Variants in TNKS2 observed in about 807,000 individuals in gnomAD.
TNKS2 encodes the protein tankyrase 2, also known as poly [ADP-ribose] polymerase tankyrase-2.
In TNKS2, 72 loss-of-function variants were observed where a neutral mutation model predicts 137.6. The ratio of observed to expected loss-of-function variants is 0.52; its 90% confidence interval spans 0.43 to 0.64. TNKS2 has a LOEUF of 0.64. TNKS2 is among the 30% of genes least tolerant of loss of function. The pLI, the probability that TNKS2 is intolerant of heterozygous loss-of-function variation, is 0.00. For synonymous variants in TNKS2, 516 were observed against 512.1 expected, an observed-to-expected ratio of 1.01 and a Z score of -0.10; for missense variants, 1,049 against 1,410.2, an observed-to-expected ratio of 0.74 and a Z score of 4.10.
At chr10:91,855,505 T>A (rs1008733826) in intron 22 of TNKS2, 109 bp from the exon 23 acceptor site, 37 of 889,152 alleles carry the variant, frequency 4.2e-5, no homozygotes, top group Non-Finnish European at 6.1e-5. Flanking sequence ...TATTAAAACC[T>A]GTTTTGTATT....
At chr10:91,826,323 A>G (rs1022989763) in intron 7 of TNKS2, among the ~76,000 whole-genome samples, 2 of 152,212 alleles carry the variant, frequency 1.3e-5, no homozygotes, top group African/African-American at 2.4e-5. Context: ...TCAGGTTTTC[A>G]GATGAGAGAT....
At chr10:91,839,319 T>C (rs1842137290) in intron 13 of TNKS2, among the ~76,000 whole-genome samples, 1 of 149,196 alleles carries the variant, frequency 6.7e-6, no homozygotes, top group Non-Finnish European at 1.5e-5. Flanking sequence ...TCCCCAGGAC[T>C]GTATAAACCA....
At chr10:91,807,335 A>G (rs751828753) in intron 1 of TNKS2, 7 of 1,614,110 alleles carry the variant, frequency 4.3e-6, no homozygotes, top group East Asian at 2.2e-5. Context: ...ACAAGTTCCC[A>G]TCAGAATGCC....
rs1278356167 is a variant in TNKS2, at chr10:91,865,428, A to G, written c.*2429A>G. Among the ~76,000 whole-genome samples, 4 of 152,220 alleles carry G rather than the reference A, an allele frequency of 2.6e-5. No individual in the cohort carries two copies. The highest frequency in any genetic ancestry group is 5.9e-5 in the Non-Finnish European group (4 of 68,032). Reference sequence around the variant, plus strand: ...AAGAATGCAGTTTGAAGTTTGAAATATTGAATATTGTAGCTGTACTTGCTC... The same window carrying G: ...AAGAATGCAGTTTGAAGTTTGAAATGTTGAATATTGTAGCTGTACTTGCTC... On this transcript the variant is annotated 3_prime_UTR_variant, in exon 27 of 27. Coordinates refer to ENST00000371627, the MANE Select transcript of TNKS2 (RefSeq NM_025235.4).
chr10:91,811,556 A>G (rs1280621624), intron 1 of TNKS2, among the ~76,000 whole-genome samples: 1 of 152,146 alleles, frequency 6.6e-6, no homozygotes, highest in African/African-American at 2.4e-5. Context: ...AATCAAAGAT[A>G]CAAAGATACT....
chr10:91,861,567 G>A (rs1285864512), intron 25 of TNKS2, among the ~76,000 whole-genome samples: 1 of 152,214 alleles, frequency 6.6e-6, no homozygotes, highest in Non-Finnish European at 1.5e-5. Flanking sequence ...ACTTAATAGT[G>A]ACAGTAGAAT....
intron 22 of TNKS2, 101 bp downstream of exon 22, chr10:91,855,227 T>G (rs1467451342): frequency 5.3e-6 from 4 of 758,326 alleles, no homozygotes; most frequent in Non-Finnish European, 8.9e-6. Flanking sequence ...TATATAATTT[T>G]CACCTATAAA....
At chr10:91,816,482 C>G (rs1338705685) in intron 2 of TNKS2, among the ~76,000 whole-genome samples, 1 of 152,182 alleles carries the variant, frequency 6.6e-6, no homozygotes, top group Non-Finnish European at 1.5e-5. Context: ...CTACTCCACT[C>G]CTTAGACTCT....
At chr10:91,854,701 C>T (rs1242278473) in intron 21 of TNKS2, among the ~76,000 whole-genome samples, 4 of 151,854 alleles carry the variant, frequency 2.6e-5, no homozygotes. Context: ...GTCGGGAGTT[C>T]GAGACCAGCC....
chr10:91,799,169 C>G (rs1270180896), intron 1 of TNKS2, among the ~76,000 whole-genome samples: 1 of 152,086 alleles, frequency 6.6e-6, no homozygotes, highest in Admixed American at 6.5e-5. Flanking sequence ...TCAACAATAC[C>G]TGTACCAACT....
chr10:91,837,908 G>A (rs987006157), intron 13 of TNKS2, among the ~76,000 whole-genome samples: 1 of 152,008 alleles, frequency 6.6e-6, no homozygotes, highest in Non-Finnish European at 1.5e-5. Context: ...GAGGCTAATA[G>A]GATATCGAAA....
intron 16 of TNKS2, 63 bp from the exon 17 acceptor site, chr10:91,844,856 A>G (rs1842318476): frequency 7.7e-6 from 8 of 1,037,362 alleles, no homozygotes; most frequent in Middle Eastern, 4.7e-4. Flanking sequence ...AAGTGGAAGT[A>G]TTATGACATA....
At position 91,855,062 on chromosome 10, in the gene TNKS2, G is replaced by T. The variant is rs1460944050; in HGVS notation, c.2849G>T (p.Gly950Val). The part of the protein sequence containing the change: ...LNPYLTLNTS[G>V]SGTILIDLSP... ...CCATATTTAACTTTGAACACCTCTG[G>T]TAGTGGAACAATTCTTATAGATCTG... The change falls in exon 22 of 27, where the codon GGT becomes GTT. Residue 950 changes from glycine (G) to valine (V), a missense_variant. Around this residue, in one of 6 missense-constraint regions of TNKS2, gnomAD observed 208 missense variants for 231.2 expected, o/e 0.90. Coordinates refer to ENST00000371627, the MANE Select transcript of TNKS2 (RefSeq NM_025235.4). 3.7e-6 allele frequency: 6 copies of T among 1,611,374 alleles called. No individual in the cohort carries two copies. Among genetic ancestry groups the T allele is most frequent in the Non-Finnish European group, 5.1e-6 (6 of 1,178,072 alleles).
intron 1 of TNKS2, among the ~76,000 whole-genome samples, chr10:91,808,749 T>C (rs1282689817): frequency 1.3e-5 from 2 of 152,172 alleles, no homozygotes; most frequent in African/African-American, 2.4e-5. Context: ...GTTGTGTATC[T>C]AGGTGGTATT....
chr10:91,814,382 A>G (rs1844605299), intron 2 of TNKS2, among the ~76,000 whole-genome samples: 1 of 152,260 alleles, frequency 6.6e-6, no homozygotes, highest in Non-Finnish European at 1.5e-5. Flanking sequence ...GCCTTTAAAA[A>G]TTTAAAAATT....
intron 14 of TNKS2, 47 bp from the exon 15 acceptor site, chr10:91,841,236 T>C: frequency 7.0e-7 from 1 of 1,418,482 alleles, no homozygotes; most frequent in Non-Finnish European, 9.4e-7. Context: ...TTATTTAAAT[T>C]AAAACATGTT....
intron 17 of TNKS2, 33 bp from the exon 18 acceptor site, chr10:91,845,719 A>C: frequency 7.1e-7 from 1 of 1,416,346 alleles, no homozygotes; most frequent in Non-Finnish European, 9.4e-7. Context: ...ACAAAATAAT[A>C]TTTCAGACTG....
chr10:91,849,624 A>C (rs1162873888), intron 20 of TNKS2, 30 bp downstream of exon 20: 1 of 1,545,442 alleles, frequency 6.5e-7, no homozygotes, highest in Non-Finnish European at 8.7e-7. Flanking sequence ...TGTTTGGATT[A>C]GTGTTTTATG....
chr10:91,850,367 CAA>C (rs1227362681), intron 20 of TNKS2, among the ~76,000 whole-genome samples: 38 of 89,176 alleles, frequency 4.3e-4, no homozygotes, highest in East Asian at 2.0e-3. Context: ...GACTCGGTCT[CAA>C]AAAAAAAAAA....
Sources: gnomAD v4.1 joint callset for allele counts (sites outside exome capture counted in the v4.1 genomes callset) on GRCh38, gnomAD v4.1.1 for gene constraint, gnomAD v4.1.1 regional missense constraint, MANE v1.5 for transcripts, NCBI Gene and HGNC (gene_info 2026-07-23, HGNC 2026-07-21) for gene names.